Variants in TBRG4 observed in about 807,000 individuals in gnomAD.
The protein encoded by TBRG4 is FAST kinase domain-containing protein 4.
A neutral mutation model predicts 65.6 loss-of-function variants in TBRG4; 43 were observed. That is an observed-to-expected ratio of 0.66 (90% CI 0.51 to 0.85). The LOEUF (loss-of-function observed/expected upper bound fraction) is 0.85. Ranked by LOEUF, TBRG4 falls within the 40% of genes least tolerant of loss-of-function variation. The pLI, the probability that TBRG4 is intolerant of heterozygous loss-of-function variation, is 0.00. For synonymous variants in TBRG4, 366 were observed against 341.4 expected, an observed-to-expected ratio of 1.07 and a Z score of -0.79; for missense variants, 709 against 787.9, an observed-to-expected ratio of 0.90 and a Z score of 1.20.
At chr7:45,105,322 T>C (rs1161062442) in intron 3 of TBRG4, 119 bp downstream of exon 3, 4 of 1,153,368 alleles carry the variant, frequency 3.5e-6, no homozygotes, top group East Asian at 2.4e-5. Context: ...AGACAGAAGC[T>C]CCCAGGGCTC....
rs1021115029 is a variant in TBRG4 at position 45,103,510 on chromosome 7, G to A, written c.1066-67C>T. On this transcript the variant is annotated intron_variant, in intron 5 of 10. Coordinates refer to ENST00000258770, the MANE Select transcript of TBRG4 (RefSeq NM_004749.4). ...TGCCCAGCACGCTGTCCTCCTGCCT[G>A]GCTCTGAGTCTGAGGAGAGCCTGCA... is the stretch of plus-strand genomic sequence containing the variant. The A allele has an allele frequency of 5.1e-5, 58 of 1,131,390 alleles. No individual in the cohort carries two copies. In the African/African-American group the frequency reaches 6.3e-4, roughly 12 times the overall value. The allele number at this position is 1,131,390 out of a possible 1,614,324, so 70.1% of individuals were successfully genotyped here.
chr7:45,109,059 T>A lies in TBRG4; in HGVS notation c.179A>T (p.Lys60Met). Reference protein sequence around the residue: ...LPGSLMEPVEKERASTPYIEK... With the variant: ...LPGSLMEPVEMERASTPYIEK... ...TATGTAGGGAGTAGATGCTCGTTCC[T>A]TCTCCACCGGCTCCATCAAGGAACC... is the stretch of plus-strand genomic sequence containing the variant. Residue 60 changes from lysine (K) to methionine (M), a missense_variant, in exon 2 of 11, where the codon AAG becomes ATG. By Grantham distance (95) the Lys-to-Met change is moderately conservative. Coordinates refer to ENST00000258770, the MANE Select transcript of TBRG4 (RefSeq NM_004749.4). 6.2e-7 allele frequency: 1 copy of A among 1,613,976 alleles called. No homozygotes were observed. The highest frequency in any genetic ancestry group is 1.3e-5 in the African/African-American group (1 of 75,048).
chr7:45,103,847 C>A, intron 5 of TBRG4: 1 of 573,880 alleles, frequency 1.7e-6, no homozygotes, highest in East Asian at 3.0e-5. Flanking sequence ...CATGCTGCTA[C>A]CTGCTACAGC....
rs138533747 is a variant in TBRG4 at position 45,111,453 on chromosome 7, C to T, written c.-51+190G>A. On this transcript the variant is annotated intron_variant, in intron 1 of 10. Transcript: ENST00000258770. Reference sequence around the variant, plus strand: ...GCGGCGTCTTCCAGGCCTGGCCGCGCGGGCTAGAGAGGAAGCGTGCGCACT... The same window carrying T: ...GCGGCGTCTTCCAGGCCTGGCCGCGTGGGCTAGAGAGGAAGCGTGCGCACT... 9.2e-6 allele frequency: 5 copies of T among 545,014 alleles called. No homozygotes were observed. In the South Asian group the frequency reaches 1.1e-4, roughly 11 times the overall value. The allele number at this position is 545,014 out of a possible 1,614,324, so 33.8% of individuals were successfully genotyped here.
Position 45,103,345 on chromosome 7 carries a change from C to T in TBRG4, c.1164G>A (p.Gln388=), listed in dbSNP as rs1784830751. 4 of 1,613,206 alleles carry T rather than the reference C, an allele frequency of 2.5e-6. No individual in the cohort carries two copies. The African/African-American group carries it at 4.0e-5, about 16-fold the overall frequency. ...RLNFHPDQED[Q]FFSLVHEKLG... ...CCAGAGGCCCTACCAGGCTGAAGAACTGATCCTCTTGGTCTGGATGGAAGT... is the reference window on the plus strand; with the variant it reads ...CCAGAGGCCCTACCAGGCTGAAGAATTGATCCTCTTGGTCTGGATGGAAGT... Residue 388 remains glutamine (Q), a synonymous_variant, in exon 6 of 11, where the codon CAG becomes CAA. Transcript: ENST00000258770.
intron 1 of TBRG4, 118 bp from the exon 2 acceptor site, chr7:45,109,405 C>G: frequency 1.2e-6 from 1 of 868,900 alleles, no homozygotes; most frequent in Non-Finnish European, 1.6e-6. Context: ...TCTTTCTTGA[C>G]AATCCATAGG....
chr7:45,100,301 C>G lies in TBRG4; in HGVS notation c.*24G>C, dbSNP rs566841489. On this transcript the variant is annotated 3_prime_UTR_variant, in exon 11 of 11. Coordinates refer to ENST00000258770, the MANE Select transcript of TBRG4 (RefSeq NM_004749.4). Reference sequence around the variant, plus strand: ...CAGCTAGACCTCCGGCGGAGAGGCACGCAGTCCATGCTGCTGGCACAAGTC... The same window carrying G: ...CAGCTAGACCTCCGGCGGAGAGGCAGGCAGTCCATGCTGCTGGCACAAGTC... 6.2e-6 allele frequency: 10 copies of G among 1,604,128 alleles called. No individual in the cohort carries two copies. Among genetic ancestry groups the G allele is most frequent in the South Asian group, 5.5e-5 (5 of 90,626 alleles).
In TBRG4 at chr7:45,103,472, A is replaced by T. The variant is rs1784835421; in HGVS notation, c.1066-29T>A. 1.3e-6 allele frequency: 2 copies of T among 1,548,002 alleles called. 1 individual carries two copies. Among genetic ancestry groups the T allele is most frequent in the Middle Eastern group, 3.4e-4 (2 of 5,958 alleles). On this transcript the variant is annotated intron_variant, in intron 5 of 10. Transcript: ENST00000258770. ...GGTGGGTCAGAAATAGCAGAGGGAC[A>T]GAATAAGCTCTCTGCCCAGCACGCT... is the stretch of plus-strand genomic sequence containing the variant.
Position 45,101,916 on chromosome 7 carries a change from CA to C in TBRG4, c.1475del (p.Leu492ArgfsTer9). 2 of 1,610,998 alleles carry C rather than the reference CA, an allele frequency of 1.2e-6. No homozygotes were observed. The highest frequency in any genetic ancestry group is 1.7e-6 in the Non-Finnish European group (2 of 1,179,010). ...TCAGCGTCTCCTGCAGCTCCTTTTG[CA>C]GGGGGGTCACCTTCCTGTCAAGGGC... Reference protein sequence around the residue: ...PSALDRKVTPLQKELQETLKG... With the variant: ...PSALDRKVTPXQKELQETLKG... On this transcript the variant is annotated frameshift_variant, in exon 8 of 11. Transcript: ENST00000258770. LOFTEE classifies it high-confidence loss of function.
At chr7:45,110,834 T>C (rs186624713) in intron 1 of TBRG4, 3 of 151,802 alleles carry the variant, frequency 2.0e-5, no homozygotes, top group Admixed American at 2.0e-4. Context: ...TTTCTTTTTA[T>C]ATGAGGGGAT....
chr7:45,104,330 G>A, intron 4 of TBRG4, 74 bp from the exon 5 acceptor site: 1 of 1,602,522 alleles, frequency 6.2e-7, no homozygotes. Context: ...CCCCACCTCA[G>A]CCTCGAGGTC....
Position 45,101,116 on chromosome 7 carries a change from C to G in TBRG4, c.1794+142G>C, listed in dbSNP as rs138632456. 2.2e-4 allele frequency: 156 copies of G among 703,946 alleles called. 1 individual carries two copies. In the African/African-American group the frequency reaches 2.5e-3, roughly 11 times the overall value. 43.6% of individuals were successfully genotyped at this position (703,946 alleles called of 1,614,324 possible). A position where few individuals can be genotyped will look rare whatever the true frequency, so the allele number is the denominator to read the frequency against. ...AGCAGCTAGGATCCACAGTAAACTC[C>G]CTCCCTGGGCTCCTGGGAGAGGCCC... On this transcript the variant is annotated intron_variant, in intron 10 of 10. Coordinates refer to ENST00000258770, the MANE Select transcript of TBRG4 (RefSeq NM_004749.4).
intron 6 of TBRG4, chr7:45,103,117 C>A (rs1784821485): frequency 1.7e-6 from 1 of 587,278 alleles, no homozygotes; most frequent in Non-Finnish European, 3.1e-6. Context: ...CCCCCCAGCG[C>A]TGCCTGGCAG....
In TBRG4 at chr7:45,100,292, G is replaced by A. The variant is rs757323757; in HGVS notation, c.*33C>T. On this transcript the variant is annotated 3_prime_UTR_variant, in exon 11 of 11. Transcript: ENST00000258770. ...GGCCGCCCACAGCTAGACCTCCGGC[G>A]GAGAGGCACGCAGTCCATGCTGCTG... 9 of 1,589,324 alleles carry A rather than the reference G, an allele frequency of 5.7e-6. No individual in the cohort carries two copies. The highest frequency in any genetic ancestry group is 4.0e-5 in the African/African-American group (3 of 74,500).
intron 5 of TBRG4, chr7:45,103,658 C>A: frequency 1.8e-6 from 1 of 570,776 alleles, no homozygotes; most frequent in Non-Finnish European, 3.1e-6. Flanking sequence ...AGGCTGGGGA[C>A]ACCTAGAAGC....
At chr7:45,103,936 C>T (rs1359025427) in intron 5 of TBRG4, 163 bp downstream of exon 5, 5 of 979,526 alleles carry the variant, frequency 5.1e-6, no homozygotes, top group African/African-American at 4.9e-5. Context: ...TTTTTGAGAA[C>T]TGAATAGCAG....
At position 45,104,610 on chromosome 7, in the gene TBRG4, T is replaced by C. The variant is rs1268291613; in HGVS notation, c.835A>G (p.Ile279Val). The part of the protein sequence containing the change: ...SRRSVPLLRA[I>V]SYHLVQKPFS... ...GGCTTCTGCACCAGGTGGTAGGAGA[T>C]GGCCCGCAGCAAGGGCACGGACCGC... Residue 279 changes from isoleucine (I) to valine (V), a missense_variant, in exon 4 of 11, where the codon ATC (isoleucine) becomes GTC (valine). Ile to Val is a conservative substitution (Grantham distance 29). Coordinates refer to ENST00000258770, the MANE Select transcript of TBRG4 (RefSeq NM_004749.4). 2.5e-6 allele frequency: 4 copies of C among 1,613,956 alleles called. No homozygotes were observed. Among genetic ancestry groups the C allele is most frequent in the African/African-American group, 1.3e-5 (1 of 75,068 alleles).
intron 6 of TBRG4, 58 bp downstream of exon 6, chr7:45,103,275 T>G: frequency 1.9e-4 from 272 of 1,409,658 alleles, no homozygotes; most frequent in Non-Finnish European, 2.4e-4. Context: ...GGACGGTTCA[T>G]GAGCCATTAG....
intron 3 of TBRG4, chr7:45,104,912 C>A (rs1215005968): frequency 2.3e-6 from 2 of 884,136 alleles, no homozygotes; most frequent in Non-Finnish European, 3.8e-6. Context: ...GGAGCACTGT[C>A]CACAGCCAAA....
Sources: allele counts gnomAD v4.1 joint callset, GRCh38; gene constraint gnomAD v4.1.1; transcripts MANE v1.5; gene names NCBI Gene and HGNC (gene_info 2026-07-23, HGNC 2026-07-21).